Variants in KSR2 observed in about 807,000 individuals in gnomAD.
KSR2 encodes kinase suppressor of ras 2.
A neutral mutation model predicts 107.8 loss-of-function variants in KSR2; 25 were observed. The observed-to-expected ratio is 0.23, with a 90% CI of 0.17 to 0.32. KSR2 has a LOEUF of 0.32. KSR2 is among the 10% of genes least tolerant of loss of function. The probability of loss-of-function intolerance (pLI) is 1.00; values close to 1 mark genes in which losing one functional copy is unlikely to be tolerated. For missense variants in KSR2, 887 were observed against 1,268.9 expected (o/e 0.70, Z 4.57); for synonymous variants, 480 against 507.0 (o/e 0.95, Z 0.71).
chr12:117,491,024 T>G (rs1872717061), intron 14 of KSR2, among the ~76,000 whole-genome samples: 1 of 152,154 alleles, frequency 6.6e-6, no homozygotes, highest in Admixed American at 6.5e-5. Context: ...TCTCTTGAAC[T>G]TATTCCTCCT....
At chr12:117,731,666 G>C (rs1393678264) in intron 4 of KSR2, among the ~76,000 whole-genome samples, 1 of 152,156 alleles carries the variant, frequency 6.6e-6, no homozygotes, top group Non-Finnish European at 1.5e-5. Context: ...GTAGACATGG[G>C]AGACTCCATT....
chr12:117,665,880 C>T (rs747835823), intron 5 of KSR2, among the ~76,000 whole-genome samples: 1 of 152,192 alleles, frequency 6.6e-6, no homozygotes, highest in East Asian at 1.9e-4. Context: ...TGCTCCTGGT[C>T]GTGACATCTG....
intron 5 of KSR2, among the ~76,000 whole-genome samples, chr12:117,622,509 G>GT (rs913129988): frequency 1.8e-4 from 27 of 149,660 alleles, no homozygotes; most frequent in Admixed American, 3.3e-4. Context: ...AGTTATCAAG[G>GT]TTTTTTTTTT....
chr12:117,715,364 G>A (rs906529193), intron 4 of KSR2, among the ~76,000 whole-genome samples: 1 of 152,168 alleles, frequency 6.6e-6, no homozygotes, highest in African/African-American at 2.4e-5. Flanking sequence ...GAATAATTGA[G>A]GGACCCACAG....
At chr12:117,674,405 ACT>A (rs1391215671) in intron 4 of KSR2, 1 of 456,850 alleles carries the variant, frequency 2.2e-6, no homozygotes, top group Non-Finnish European at 4.4e-6. Flanking sequence ...AAATTGAATA[ACT>A]CTGTAGCATT....
chr12:117,938,468 A>C (rs1895909179), intron 1 of KSR2, among the ~76,000 whole-genome samples: 1 of 152,096 alleles, frequency 6.6e-6, no homozygotes, highest in Non-Finnish European at 1.5e-5. Context: ...AGCCTAGGCA[A>C]CATAGAGAGA....
intron 5 of KSR2, among the ~76,000 whole-genome samples, chr12:117,598,391 G>A (rs1003207224): frequency 2.6e-5 from 4 of 152,150 alleles, no homozygotes; most frequent in Non-Finnish European, 4.4e-5. Flanking sequence ...GTTGATTGAT[G>A]GGCATTTGGC....
intron 18 of KSR2, 22 bp from the exon 19 acceptor site, chr12:117,469,817 T>G: frequency 6.2e-7 from 1 of 1,612,894 alleles, no homozygotes; most frequent in Non-Finnish European, 8.5e-7. Context: ...CAATGTGTGG[T>G]GATTACACAT....
intron 3 of KSR2, among the ~76,000 whole-genome samples, chr12:117,799,579 C>T (rs969978251): frequency 6.6e-6 from 1 of 151,764 alleles, no homozygotes; most frequent in Non-Finnish European, 1.5e-5. Flanking sequence ...AAAATTTAAT[C>T]ATAGATGATG....
chr12:117,792,115 T>G (rs1390462695), intron 3 of KSR2, among the ~76,000 whole-genome samples: 1 of 152,018 alleles, frequency 6.6e-6, no homozygotes. Context: ...GGCAGGTAGA[T>G]CGCTTGAGCT....
At chr12:117,854,170 CA>C (rs1436045202) in intron 3 of KSR2, among the ~76,000 whole-genome samples, 7 of 151,992 alleles carry the variant, frequency 4.6e-5, no homozygotes, top group Non-Finnish European at 1.0e-4. Context: ...ACACATGGCA[CA>C]TTTTTTTGTA....
chr12:117,491,564 C>T (rs1872746808), intron 14 of KSR2, among the ~76,000 whole-genome samples: 2 of 152,150 alleles, frequency 1.3e-5, no homozygotes, highest in South Asian at 4.2e-4. Context: ...GATAGGATTT[C>T]CTTCTTTTTT....
chr12:117,800,449 C>A (rs1890793447), intron 3 of KSR2, among the ~76,000 whole-genome samples: 2 of 152,016 alleles, frequency 1.3e-5, no homozygotes, highest in Admixed American at 6.6e-5. Context: ...GGAAAAGAAG[C>A]CTTGGGGAGC....
intron 6 of KSR2, among the ~76,000 whole-genome samples, chr12:117,581,588 C>T (rs1879665720): frequency 6.6e-6 from 1 of 152,202 alleles, no homozygotes; most frequent in Non-Finnish European, 1.5e-5. Context: ...ACTTGCCCCA[C>T]TCACCCTGCT....
At position 117,614,636 on chromosome 12, in the gene KSR2, G is replaced by A. The variant is rs77304882; in HGVS notation, c.1172-32277C>T. The stretch of plus-strand genomic sequence containing the variant: ...GGGGAGGCCATTGACATCTCCATGT[G>A]GAGAAAGGTCCCTTAATAGTTTTCT... On this transcript the variant is annotated intron_variant, in intron 5 of 19. Transcript: ENST00000339824. Among the ~76,000 whole-genome samples, 183 of 152,284 alleles carry A rather than the reference G, an allele frequency of 1.2e-3. 1 individual carries two copies. The highest frequency in any genetic ancestry group is 4.2e-3 in the African/African-American group (175 of 41,562).
chr12:117,674,763 G>C (rs1332738492), intron 4 of KSR2, among the ~76,000 whole-genome samples: 1 of 152,100 alleles, frequency 6.6e-6, no homozygotes, highest in Non-Finnish European at 1.5e-5. Context: ...TCAAAGGCAG[G>C]CTTTAAAAAG....
chr12:117,668,540 G>A (rs1001059053), intron 4 of KSR2, among the ~76,000 whole-genome samples: 1 of 152,170 alleles, frequency 6.6e-6, no homozygotes, highest in African/African-American at 2.4e-5. Context: ...AGAAGAGCAG[G>A]TGCAGCTTGC....
At chr12:117,613,383 C>T (rs781350529) in intron 5 of KSR2, among the ~76,000 whole-genome samples, 19 of 152,342 alleles carry the variant, frequency 1.2e-4, no homozygotes, top group Non-Finnish European at 7.4e-5. Context: ...CCAGCTGAGT[C>T]CCAGACTTTC....
At chr12:117,563,554 C>T (rs1352758511) in intron 7 of KSR2, among the ~76,000 whole-genome samples, 2 of 152,054 alleles carry the variant, frequency 1.3e-5, no homozygotes. Flanking sequence ...AAGTAAGGTG[C>T]CCAGAACAAA....
Sources: allele counts gnomAD v4.1 joint callset (sites outside exome capture counted in the v4.1 genomes callset), GRCh38; gene constraint gnomAD v4.1.1; transcripts MANE v1.5; gene names NCBI Gene and HGNC (gene_info 2026-07-23, HGNC 2026-07-21).